The following PLXNB1 variants were observed in gnomAD, a reference collection of about 807,000 sequenced individuals.
PLXNB1 encodes the protein plexin-B1.
Under a neutral mutation model 209.4 loss-of-function variants are expected in PLXNB1, and 106 were observed. The observed-to-expected ratio is 0.51, with a 90% confidence interval of 0.43 to 0.59. The LOEUF is 0.59. PLXNB1 is among the 20% of genes least tolerant of loss of function. The pLI is 0.00. For missense variants in PLXNB1, 2,357 were observed against 2,853.2 expected (o/e 0.83, Z 3.96); for synonymous variants, 1,167 against 1,183.2 (o/e 0.99, Z 0.28).
At position 48,418,954 on chromosome 3, in the gene PLXNB1, G is replaced by A. The variant is rs2038299330; in HGVS notation, c.2918C>T (p.Pro973Leu). 1.2e-6 allele frequency: 2 copies of A among 1,614,092 alleles called. No individual in the cohort carries two copies. The highest frequency in any genetic ancestry group is 2.7e-5 in the African/African-American group (2 of 75,054). ...GCAGGTGACATGGCACTGGGTATCT[G>A]GAGGTGGCTCACACTCGACCCGGGC... Reference protein sequence around the residue: ...VEARVECEPPPDTQCHVTCQQ... With the variant: ...VEARVECEPPLDTQCHVTCQQ... Residue 973 changes from proline to leucine, a missense_variant, in exon 13 of 38, where the codon CCA becomes CTA. Coordinates refer to ENST00000296440, the MANE Select transcript of PLXNB1 (RefSeq NM_001130082.3). This position sits in a 1 kb window ranked among gnomAD's most constrained non-coding sequence, Gnocchi z 6.6.
chr3:48,421,953 T>C (rs1560070606), intron 6 of PLXNB1, 147 bp from the exon 7 acceptor site: 12 of 1,333,046 alleles, frequency 9.0e-6, no homozygotes, highest in Non-Finnish European at 1.1e-5. Context: ...AGGGCACTGA[T>C]GCCCAGTGCA....
At chr3:48,430,198 A>AC (rs201531954), upstream of PLXNB1, 1,508 of 148,274 alleles carry the variant, frequency 0.01, 16 homozygotes, top group African/African-American at 0.034. Context: ...CCTGACACCA[A>AC]CCCCCCCCAG....
chr3:48,424,635 C>A lies in PLXNB1; in HGVS notation c.-6-18G>T. 2 of 1,532,050 alleles carry A rather than the reference C, an allele frequency of 1.3e-6. No individual in the cohort carries two copies. The highest frequency in any genetic ancestry group is 1.2e-5 in the South Asian group (1 of 83,754). 94.9% of individuals were successfully genotyped at this position (1,532,050 alleles called of 1,614,324 possible). Reference sequence around the variant, plus strand: ...ATGGTCACCTGGCAGGAAGAGAGGTCGAGAGAGTGGGGCTCACGTGGCCGC... The same window carrying A: ...ATGGTCACCTGGCAGGAAGAGAGGTAGAGAGAGTGGGGCTCACGTGGCCGC... On this transcript the variant is annotated intron_variant, in intron 2 of 37. Coordinates refer to ENST00000296440, the MANE Select transcript of PLXNB1 (RefSeq NM_001130082.3).
Position 48,412,462 on chromosome 3 carries a change from G to C in PLXNB1, c.5013C>G (p.Asn1671Lys). The C allele has an allele frequency of 6.2e-7, 1 of 1,613,616 alleles. No homozygotes were observed. Among genetic ancestry groups the C allele is most frequent in the South Asian group, 1.1e-5 (1 of 91,086 alleles). ...CAGACCTGCGCAGCATCAGCTTGGG[G>C]TTCTTGGCCACATACTGGGCAACCA... ...SDLVAQYVAKNPKLMLRRTET... is the reference protein window; with the variant it reads ...SDLVAQYVAKKPKLMLRRTET... Residue 1671 changes from asparagine (N) to lysine (K), a missense_variant, in exon 26 of 38, where the codon AAC becomes AAG. By Grantham distance (94) the Asn-to-Lys change is moderately conservative. This residue lies in a region of PLXNB1 where 65 missense variants were observed against 127.6 expected (regional missense o/e 0.51). Coordinates refer to ENST00000296440, the MANE Select transcript of PLXNB1 (RefSeq NM_001130082.3).
chr3:48,426,624 C>G (rs1560078953), intron 1 of PLXNB1, among the ~76,000 whole-genome samples: 1 of 152,212 alleles, frequency 6.6e-6, no homozygotes, highest in Non-Finnish European at 1.5e-5. Context: ...AGCCGGGACA[C>G]TGTGGCCACA....
chr3:48,404,746 C>T (rs749223028), intron 37 of PLXNB1, among the ~76,000 whole-genome samples, 156 bp from the exon 38 acceptor site: 3 of 152,130 alleles, frequency 2.0e-5, no homozygotes, highest in Non-Finnish European at 2.9e-5. Context: ...CTCAGGGCCT[C>T]GCTGGCGGGA....
At position 48,419,664 on chromosome 3, in the gene PLXNB1, G is replaced by C. The variant is rs1560065551; in HGVS notation, c.2622C>G (p.Asp874Glu). Residue 874 changes from aspartate (D) to glutamate (E), a missense_variant, in exon 11 of 38, where the codon GAC becomes GAG. Physicochemically the swap from Asp to Glu is conservative, Grantham distance 45. This residue lies in a region of PLXNB1 where 410 missense variants were observed against 401.0 expected (regional missense o/e 1.02). Transcript: ENST00000296440. This position sits in a 1 kb window ranked among gnomAD's most constrained non-coding sequence, Gnocchi z 5.7. ...STSTLLSGDGDSAELEGPPAP... is the reference protein window; with the variant it reads ...STSTLLSGDGESAELEGPPAP... ...CGGGAGGGCCCTCAAGCTCTGCTGA[G>C]TCTCCATCACCTGAGAGGAGGGTGG... is the stretch of plus-strand genomic sequence containing the variant. The C allele has an allele frequency of 6.2e-7, 1 of 1,612,634 alleles. No individual in the cohort carries two copies.
Position 48,410,636 on chromosome 3 carries a change from G to T in PLXNB1, c.5417-78C>A. 1.6e-6 allele frequency: 2 copies of T among 1,237,066 alleles called. No homozygotes were observed. The highest frequency in any genetic ancestry group is 1.2e-5 in the South Asian group (1 of 80,492). The allele number at this position is 1,237,066 out of a possible 1,614,324, so 76.6% of individuals were successfully genotyped here. ...GTGGAGCCCATCTCCTCCTCCACAG[G>T]GACACCAGCCCCTCCATCATGGGGC... On this transcript the variant is annotated intron_variant, in intron 29 of 37. Transcript: ENST00000296440. The surrounding 1 kb of genome is among the most constrained non-coding windows in gnomAD (Gnocchi z 6.4).
rs556418389 is a variant in PLXNB1 at position 48,408,522 on chromosome 3, A to T, written c.6087+807T>A. 1.6e-3 allele frequency among the ~76,000 whole-genome samples: 239 copies of T among 151,860 alleles called. 1 individual carries two copies. The highest frequency in any genetic ancestry group is 5.5e-3 in the African/African-American group (227 of 41,396). On this transcript the variant is annotated intron_variant, in intron 34 of 37. Transcript: ENST00000296440. Reference sequence around the variant, plus strand: ...TGACTGCTATGACAATAGACTCCCAACCTCTGTGCTCCCGGACGGCTCCAA... The same window carrying T: ...TGACTGCTATGACAATAGACTCCCATCCTCTGTGCTCCCGGACGGCTCCAA...
chr3:48,424,293 C>A lies in PLXNB1; in HGVS notation c.319G>T (p.Ala107Ser), dbSNP rs2038759785. ...TGCACGCTCCCGCATACCACCAGGG[C>A]CCCTGGGCTCACCAGGAGCAGCTGA... The part of the protein sequence containing the change: ...PNQLLLVSPG[A>S]LVVCGSVHQG... Residue 107 changes from alanine (A) to serine (S), a missense_variant, in exon 3 of 38, where the codon GCC becomes TCC. This residue lies in a region of PLXNB1 where 107 missense variants were observed against 167.2 expected (regional missense o/e 0.64). Coordinates refer to ENST00000296440, the MANE Select transcript of PLXNB1 (RefSeq NM_001130082.3). 1 of 1,574,346 alleles carries A rather than the reference C, an allele frequency of 6.4e-7. No homozygotes were observed. Among genetic ancestry groups the A allele is most frequent in the Middle Eastern group, 1.7e-4 (1 of 5,996 alleles).
intron 5 of PLXNB1, 21 bp from the exon 6 acceptor site, chr3:48,422,226 T>C (rs774660153): frequency 6.2e-7 from 1 of 1,612,826 alleles, no homozygotes. Flanking sequence ...AAAGAGGACC[T>C]GAGGCCAGCA....
rs1249964338 is a variant in PLXNB1, at chr3:48,409,379, C to T, written c.6037G>A (p.Ala2013Thr). Residue 2013 changes from alanine to threonine, a missense_variant, in exon 34 of 38, where the codon GCA becomes ACA. Transcript: ENST00000296440. The surrounding 1 kb of genome is among the most constrained non-coding windows in gnomAD (Gnocchi z 5.8). ...GTGCAGGCGTCCATGAAGGTCTGTG[C>T]AATGACAAGGAGCACCGCATCCATG... ...DNMDAVLLVI[A>T]QTFMDACTLA... is the part of the protein sequence containing the mutation. 6.2e-7 allele frequency: 1 copy of T among 1,614,112 alleles called. No individual in the cohort carries two copies. The highest frequency in any genetic ancestry group is 8.5e-7 in the Non-Finnish European group (1 of 1,180,044).
intron 21 of PLXNB1, among the ~76,000 whole-genome samples, chr3:48,414,327 C>T (rs1474132584): frequency 1.3e-5 from 2 of 152,170 alleles, no homozygotes; most frequent in Non-Finnish European, 2.9e-5. Context: ...TGCCCAGCTA[C>T]CTAACAAAGC....
chr3:48,414,897 G>T lies in PLXNB1; in HGVS notation c.4111C>A (p.Pro1371Thr). 1 of 1,614,072 alleles carries T rather than the reference G, an allele frequency of 6.2e-7. No homozygotes were observed. Among genetic ancestry groups the T allele is most frequent in the South Asian group, 1.1e-5 (1 of 91,092 alleles). Reference sequence around the variant, plus strand: ...GTGGGGTCGGCCTCATAGGAGAAAGGTGTGGGGTTCAGTGTTGCAAAGTCA... The same window carrying T: ...GTGGGGTCGGCCTCATAGGAGAAAGTTGTGGGGTTCAGTGTTGCAAAGTCA... ...VFDFATLNPT[P>T]FSYEADPTLQ... is the part of the protein sequence containing the mutation. The change falls in exon 21 of 38, where the codon CCT becomes ACT. Residue 1371 changes from proline to threonine, a missense_variant. Pro to Thr is a conservative substitution (Grantham distance 38, BLOSUM62 -1). Coordinates refer to ENST00000296440, the MANE Select transcript of PLXNB1 (RefSeq NM_001130082.3).
In PLXNB1 at chr3:48,423,894, G is replaced by A; in HGVS notation, c.718C>T (p.Gln240Ter). ...ACATAGGCACGAAAAGCTCTAGACTGAGCCTGCAGGTCCCGCCGCAGGAAC... is the reference window on the plus strand; with the variant it reads ...ACATAGGCACGAAAAGCTCTAGACTAAGCCTGCAGGTCCCGCCGCAGGAAC... Reference protein sequence around the residue: ...FLFLRRDLQAQSRAFRAYVSR... With the variant: ...FLFLRRDLQA Residue 240 changes from glutamine to a stop codon, truncating the protein, a stop_gained, in exon 3 of 38, where the codon CAG becomes TAG. Transcript: ENST00000296440. LOFTEE classifies it high-confidence loss of function. 1 of 1,614,016 alleles carries A rather than the reference G, an allele frequency of 6.2e-7. No individual in the cohort carries two copies. The highest frequency in any genetic ancestry group is 1.1e-5 in the South Asian group (1 of 91,084).
Position 48,415,792 on chromosome 3 carries a change from G to T in PLXNB1, c.3618-33C>A. ...GGGAGGTGGGAATGAATGCAGGGGC[G>T]CAGGCAGGGAAAACTTGGACCACTC... On this transcript the variant is annotated intron_variant, in intron 18 of 37. Transcript: ENST00000296440. The surrounding 1 kb of genome is among the most constrained non-coding windows in gnomAD (Gnocchi z 5.0). 1.3e-6 allele frequency: 2 copies of T among 1,524,572 alleles called. No homozygotes were observed. The highest frequency in any genetic ancestry group is 1.8e-6 in the Non-Finnish European group (2 of 1,128,816). The allele number at this position is 1,524,572 out of a possible 1,614,324, so 94.4% of individuals were successfully genotyped here. A position where few individuals can be genotyped will look rare whatever the true frequency, so the allele number is the denominator to read the frequency against.
Position 48,429,028 on chromosome 3 carries a change from A to T in PLXNB1, c.-60+980T>A, listed in dbSNP as rs2107060662. 6.6e-6 allele frequency among the ~76,000 whole-genome samples: 1 copy of T among 152,238 alleles called. No homozygotes were observed. The highest frequency in any genetic ancestry group is 1.5e-5 in the Non-Finnish European group (1 of 67,990). On this transcript the variant is annotated intron_variant, in intron 1 of 37. Transcript: ENST00000296440. This position sits in a 1 kb window ranked among gnomAD's most constrained non-coding sequence, Gnocchi z 6.4. ...CGGCCGGTCCCCGGCGGCGACGGCG[A>T]GGAGGGGGCGCGGAGGAGCAGCTCC...
chr3:48,423,860 A>T lies in PLXNB1; in HGVS notation c.752T>A (p.Val251Glu). The change falls in exon 3 of 38, where the codon GTG (valine) becomes GAG (glutamate). Residue 251 changes from valine to glutamate, a missense_variant. By Grantham distance (121) the Val-to-Glu change is moderately radical. Around this residue, in one of 7 missense-constraint regions of PLXNB1, gnomAD observed 404 missense variants for 443.6 expected, o/e 0.91. Transcript: ENST00000296440. ...SRAFRAYVSR[V>E]CLRDQHYYSY... ...GTAGTAGTGCTGGTCCCGGAGACAC[A>T]CTCGAGATACATAGGCACGAAAAGC... 4 of 1,613,896 alleles carry T rather than the reference A, an allele frequency of 2.5e-6. No individual in the cohort carries two copies. The highest frequency in any genetic ancestry group is 3.4e-6 in the Non-Finnish European group (4 of 1,179,970).
chr3:48,412,974 A>T lies in PLXNB1; in HGVS notation c.4637-15T>A, dbSNP rs776131733. 6 of 1,613,374 alleles carry T rather than the reference A, an allele frequency of 3.7e-6. No homozygotes were observed. Among genetic ancestry groups the T allele is most frequent in the Non-Finnish European group, 3.4e-6 (4 of 1,179,308 alleles). On this transcript the variant is annotated splice_polypyrimidine_tract_variant and intron_variant, in intron 24 of 37. Transcript: ENST00000296440. Reference sequence around the variant, plus strand: ...AGTCATGAGGTCTGTTAAGCAGAAGAGGCCAGGTTAAGCACCTGTTAAGCA... The same window carrying T: ...AGTCATGAGGTCTGTTAAGCAGAAGTGGCCAGGTTAAGCACCTGTTAAGCA...
Sources: gnomAD v4.1 joint callset for allele counts (sites outside exome capture counted in the v4.1 genomes callset) on GRCh38, gnomAD v4.1.1 for gene constraint, gnomAD v4.1.1 regional missense constraint, Gnocchi (gnomAD v3.1) non-coding constraint, MANE v1.5 for transcripts, NCBI Gene and HGNC (gene_info 2026-07-23, HGNC 2026-07-21) for gene names.